Variants in CCDC171 observed in about 807,000 individuals in gnomAD.
CCDC171 encodes coiled-coil domain-containing protein 171.
CCDC171 carries 177 observed loss-of-function variants against 168.2 expected under a neutral mutation model. The observed-to-expected ratio is 1.05, with a 90% confidence interval of 0.93 to 1.19. CCDC171 has a LOEUF of 1.19. Ranked by LOEUF, CCDC171 falls within the 50% of genes most tolerant of loss-of-function variation. The pLI, the probability that CCDC171 is intolerant of heterozygous loss-of-function variation, is 0.00. For synonymous variants in CCDC171, 687 were observed against 540.8 expected, an observed-to-expected ratio of 1.27 and a Z score of -3.75; for missense variants, 1,991 against 1,539.0, an observed-to-expected ratio of 1.29 and a Z score of -4.91.
chr9:15,853,237 T>A (rs1342775774), intron 23 of CCDC171, among the ~76,000 whole-genome samples: 1 of 151,690 alleles, frequency 6.6e-6, no homozygotes, highest in Admixed American at 6.6e-5. Context: ...CTTATTTAGA[T>A]CTTCTTTAAT....
chr9:16,078,228 A>G, the CCDC171 span, among the ~76,000 whole-genome samples: 50 of 152,186 alleles, frequency 3.3e-4, 1 homozygote, highest in East Asian at 8.9e-3. Flanking sequence ...AAAGCTGGGG[A>G]AAAAAATGAC....
intron 1 of CCDC171, among the ~76,000 whole-genome samples, chr9:15,563,116 T>A (rs2039447603): frequency 6.6e-6 from 1 of 152,052 alleles, no homozygotes; most frequent in African/African-American, 2.4e-5. Flanking sequence ...GTTCTGTAAC[T>A]ATGTGACTTT....
At chr9:15,629,179 G>C (rs1293964908) in intron 7 of CCDC171, among the ~76,000 whole-genome samples, 1 of 152,176 alleles carries the variant, frequency 6.6e-6, no homozygotes, top group Admixed American at 6.5e-5. Context: ...AAGCTGGATG[G>C]AGAATGACTT....
intron 25 of CCDC171, among the ~76,000 whole-genome samples, chr9:15,966,639 G>A (rs2132721085): frequency 6.6e-6 from 1 of 152,216 alleles, no homozygotes; most frequent in East Asian, 1.9e-4. Context: ...GTCCTTTTTA[G>A]ATCTCTAGGC....
At chr9:15,808,655 G>C (rs1709644072) in intron 21 of CCDC171, among the ~76,000 whole-genome samples, 1 of 152,206 alleles carries the variant, frequency 6.6e-6, no homozygotes, top group Admixed American at 6.5e-5. Flanking sequence ...GCAGAGTAAG[G>C]TTAGGATATC....
At chr9:16,095,273 C>T in the CCDC171 span, among the ~76,000 whole-genome samples, 2 of 152,160 alleles carry the variant, frequency 1.3e-5, no homozygotes, top group African/African-American at 2.4e-5. Context: ...CAATCGCCTT[C>T]GGTGAGCATG....
At chr9:15,602,071 C>G (rs1045789066) in intron 6 of CCDC171, among the ~76,000 whole-genome samples, 3 of 152,162 alleles carry the variant, frequency 2.0e-5, no homozygotes, top group Admixed American at 6.5e-5. Flanking sequence ...CGAACAGTAA[C>G]TTGCTTTGCT....
intron 6 of CCDC171, among the ~76,000 whole-genome samples, chr9:15,597,484 G>C (rs201409233): frequency 6.6e-6 from 1 of 152,006 alleles, no homozygotes; most frequent in Non-Finnish European, 1.5e-5. Context: ...CTTGCATTCC[G>C]GGGATGAAGC....
chr9:15,732,378 T>G (rs537105819), intron 16 of CCDC171, among the ~76,000 whole-genome samples: 1 of 152,246 alleles, frequency 6.6e-6, no homozygotes, highest in South Asian at 2.1e-4. Flanking sequence ...AAGAGTTTCA[T>G]TTTTTCCCTC....
chr9:15,665,067 C>A lies in CCDC171; in HGVS notation c.916-1096C>A, dbSNP rs756302910. 3.9e-5 allele frequency among the ~76,000 whole-genome samples: 6 copies of A among 152,080 alleles called. 1 individual carries two copies. The East Asian group carries it at 1.2e-3, about 29-fold the overall frequency. On this transcript the variant is annotated intron_variant, in intron 8 of 25. Coordinates refer to ENST00000380701, the MANE Select transcript of CCDC171 (RefSeq NM_173550.4). ...TCGCCCAGCTTCAATACTTTACTCA[C>A]GTCAATGGTGTTTTATCTCTTACCT... is the stretch of plus-strand genomic sequence containing the variant.
chr9:15,884,050 G>A (rs978118518), intron 24 of CCDC171, among the ~76,000 whole-genome samples: 4 of 152,088 alleles, frequency 2.6e-5, no homozygotes, highest in Non-Finnish European at 5.9e-5. Context: ...TTTTCTTTTT[G>A]TGTGTATGTG....
intron 24 of CCDC171, among the ~76,000 whole-genome samples, chr9:15,878,833 G>A (rs924486637): frequency 6.6e-6 from 1 of 152,118 alleles, no homozygotes; most frequent in Non-Finnish European, 1.5e-5. Flanking sequence ...GTGGGAACAT[G>A]GATAAAGCTG....
At position 16,031,938 on chromosome 9, in the gene CCDC171, C is replaced by T. The variant is rs559024795; in HGVS notation, n.999-3519C>T. 1.6e-4 allele frequency among the ~76,000 whole-genome samples: 24 copies of T among 152,330 alleles called. 1 individual carries two copies. The South Asian group carries it at 4.8e-3, about 30-fold the overall frequency. On this transcript the variant is annotated intron_variant and non_coding_transcript_variant, in intron 6 of 9. Transcript: ENST00000486641. The stretch of plus-strand genomic sequence containing the variant: ...GGCAGAGACTGAGCTTGCCCTTCCT[C>T]AGTTCCCACTGCTTGCTCTTCAGCA...
intron 24 of CCDC171, among the ~76,000 whole-genome samples, chr9:15,915,084 C>T (rs1325733437): frequency 8.5e-6 from 1 of 118,244 alleles, no homozygotes; most frequent in African/African-American, 2.8e-5. Flanking sequence ...TGGAGCTGTT[C>T]CTATTCAGAC....
chr9:15,563,457 G>C lies in CCDC171; in HGVS notation c.-111-521G>C, dbSNP rs140303658. On this transcript the variant is annotated intron_variant, in intron 1 of 25. Transcript: ENST00000380701. ...CCGGCTCAAGTTACTTTTAATCTCA[G>C]TCTTGGTTTTCTTGGTAGAAAAATG... Among the ~76,000 whole-genome samples, 89 of 152,226 alleles carry C rather than the reference G, an allele frequency of 5.8e-4. No individual in the cohort carries two copies. In the East Asian group the frequency reaches 0.016, roughly 28 times the overall value.
chr9:15,929,979 G>A (rs1826320552), intron 25 of CCDC171, among the ~76,000 whole-genome samples: 1 of 151,544 alleles, frequency 6.6e-6, no homozygotes, highest in African/African-American at 2.4e-5. Context: ...CTGATCGTTT[G>A]TCACTGTATT....
rs563740478 is a variant in CCDC171 at position 15,574,409 on chromosome 9, C to T, written c.177+2650C>T. On this transcript the variant is annotated intron_variant, in intron 3 of 25. Transcript: ENST00000380701. ...CCACCCGCCTTGGCCTCCCAAAGTA[C>T]TGGGATTATAGGTGTGAGCCACCGC... is the stretch of plus-strand genomic sequence containing the variant. Among the ~76,000 whole-genome samples the T allele has an allele frequency of 2.6e-5, 4 of 152,136 alleles. No individual in the cohort carries two copies. In the East Asian group the frequency reaches 7.7e-4, roughly 29 times the overall value.
intron 18 of CCDC171, among the ~76,000 whole-genome samples, chr9:15,773,649 T>C (rs956630051): frequency 2.0e-5 from 3 of 152,154 alleles, no homozygotes; most frequent in Admixed American, 6.5e-5. Flanking sequence ...GTGACGTTTT[T>C]CCTCTTATTT....
At chr9:15,575,755 A>T (rs2040600452) in intron 3 of CCDC171, among the ~76,000 whole-genome samples, 1 of 152,220 alleles carries the variant, frequency 6.6e-6, no homozygotes. Flanking sequence ...AGCACTTTTG[A>T]GTATCATCAA....
Sources: gnomAD v4.1 joint callset for allele counts (sites outside exome capture counted in the v4.1 genomes callset) on GRCh38, gnomAD v4.1.1 for gene constraint, MANE v1.5 for transcripts, NCBI Gene and HGNC (gene_info 2026-07-23, HGNC 2026-07-21) for gene names.